Variants in GABRB1 observed in about 807,000 individuals in gnomAD.
The protein encoded by GABRB1 is gamma-aminobutyric acid type A receptor subunit beta1.
GABRB1 carries 17 observed loss-of-function variants against 51.6 expected under a neutral mutation model. The observed-to-expected ratio is 0.33, with a 90% CI of 0.23 to 0.49. The LOEUF (loss-of-function observed/expected upper bound fraction) is 0.49, where lower values mean the gene tolerates loss of function less well. Among genes scored for constraint, GABRB1 ranks in the 20% least tolerant of loss-of-function variants. GABRB1 has a pLI of 0.99. For missense variants in GABRB1, 410 were observed against 600.6 expected (o/e 0.68, Z 3.32); for synonymous variants, 247 against 218.9 (o/e 1.13, Z -1.14).
chr4:47,299,732 A>G (rs1304255900), intron 4 of GABRB1, among the ~76,000 whole-genome samples: 2 of 152,182 alleles, frequency 1.3e-5, no homozygotes, highest in Non-Finnish European at 2.9e-5. Flanking sequence ...CAGCCATCCC[A>G]TTACTGGGTA....
At chr4:47,396,522 T>G (rs1243161852) in intron 5 of GABRB1, among the ~76,000 whole-genome samples, 1 of 152,166 alleles carries the variant, frequency 6.6e-6, no homozygotes, top group Non-Finnish European at 1.5e-5. Context: ...TTCACACAAA[T>G]TTCTAGAAGG....
intron 3 of GABRB1, among the ~76,000 whole-genome samples, chr4:47,147,055 C>A (rs1178847088): frequency 6.6e-5 from 10 of 151,858 alleles, no homozygotes; most frequent in Non-Finnish European, 1.3e-4. Context: ...GTGGATAAGG[C>A]ACATTTAAAA....
chr4:47,186,349 A>G (rs1719183243), intron 4 of GABRB1, among the ~76,000 whole-genome samples: 1 of 151,860 alleles, frequency 6.6e-6, no homozygotes, highest in Non-Finnish European at 1.5e-5. Context: ...GTATCAGAAC[A>G]TGGACCTAAA....
rs59187371 is a variant in GABRB1 at position 47,246,299 on chromosome 4, TACACAC to T, written c.462-73802_462-73797del. On this transcript the variant is annotated intron_variant, in intron 4 of 8. Coordinates refer to ENST00000295454, the MANE Select transcript of GABRB1 (RefSeq NM_000812.4). ...CATCATATATATATATATATATATA[TACACAC>T]ACACACACACACACACACACACACA... 9.7e-4 allele frequency among the ~76,000 whole-genome samples: 82 copies of T among 84,132 alleles called. 2 individuals are homozygous for T. Among genetic ancestry groups the T allele is most frequent in the African/African-American group, 2.6e-3 (56 of 21,296 alleles). 55.2% of individuals were successfully genotyped at this position (84,132 alleles called of 152,430 possible).
intron 3 of GABRB1, among the ~76,000 whole-genome samples, chr4:47,077,958 T>TA (rs1560523676): frequency 3.1e-5 from 3 of 97,442 alleles, no homozygotes; most frequent in Admixed American, 1.1e-4. Context: ...ATTATATATT[T>TA]TATATATATA....
chr4:46,995,889 T>C (rs1379434436), intron 1 of GABRB1, among the ~76,000 whole-genome samples: 4 of 152,192 alleles, frequency 2.6e-5, no homozygotes, highest in Non-Finnish European at 1.5e-5. Flanking sequence ...CTTCCAGTTA[T>C]ATTTTTGTTA....
At chr4:47,035,418 G>A in intron 3 of GABRB1, among the ~76,000 whole-genome samples, 1 of 152,048 alleles carries the variant, frequency 6.6e-6, no homozygotes, top group East Asian at 2.0e-4. Context: ...TAATGCCGAT[G>A]TAGATAAACA....
chr4:47,270,963 T>C (rs1285845624), intron 4 of GABRB1, among the ~76,000 whole-genome samples: 1 of 152,202 alleles, frequency 6.6e-6, no homozygotes, highest in Non-Finnish European at 1.5e-5. Context: ...TAAAATGTAC[T>C]AGTTTTACCA....
intron 3 of GABRB1, among the ~76,000 whole-genome samples, chr4:47,145,570 C>T (rs994909931): frequency 2.6e-5 from 4 of 151,968 alleles, no homozygotes; most frequent in Non-Finnish European, 5.9e-5. Flanking sequence ...TCTGTGAGTA[C>T]AGGAATTTAT....
At chr4:47,316,384 C>T (rs1207998351) in intron 4 of GABRB1, among the ~76,000 whole-genome samples, 2 of 151,916 alleles carry the variant, frequency 1.3e-5, no homozygotes, top group Non-Finnish European at 2.9e-5. Context: ...GCCTCCAGTT[C>T]CATCCATGTT....
chr4:47,077,010 A>G (rs1727585833), intron 3 of GABRB1, among the ~76,000 whole-genome samples: 1 of 152,224 alleles, frequency 6.6e-6, no homozygotes, highest in South Asian at 2.1e-4. Context: ...ATCAGTGGCA[A>G]TACCATCTGC....
intron 3 of GABRB1, among the ~76,000 whole-genome samples, chr4:47,040,670 A>AT (rs1189789634): frequency 6.6e-6 from 1 of 152,182 alleles, no homozygotes; most frequent in African/African-American, 2.4e-5. Context: ...AATATTGAAT[A>AT]TTGACATCAA....
In GABRB1 at chr4:47,134,715, G is replaced by A. The variant is rs575480475; in HGVS notation, c.241-26534G>A. ...GTAGAGATAAAGATGAAATAATTCCGTTTTCTAAATGTATAGTACAGTAGG... is the reference window on the plus strand; with the variant it reads ...GTAGAGATAAAGATGAAATAATTCCATTTTCTAAATGTATAGTACAGTAGG... On this transcript the variant is annotated intron_variant, in intron 3 of 8. Coordinates refer to ENST00000295454, the MANE Select transcript of GABRB1 (RefSeq NM_000812.4). Among the ~76,000 whole-genome samples the A allele has an allele frequency of 7.9e-5, 12 of 152,224 alleles. 1 individual carries two copies. In the South Asian group the frequency reaches 1.0e-3, roughly 13 times the overall value.
At chr4:47,019,573 CT>C (rs1442594613) in intron 1 of GABRB1, among the ~76,000 whole-genome samples, 15 of 151,206 alleles carry the variant, frequency 9.9e-5, no homozygotes, top group Admixed American at 2.6e-4. Flanking sequence ...CTCTCTCTCT[CT>C]CTCCCTCCTT....
chr4:47,083,872 C>T (rs969925497), intron 3 of GABRB1, among the ~76,000 whole-genome samples: 4 of 152,132 alleles, frequency 2.6e-5, no homozygotes, highest in Non-Finnish European at 5.9e-5. Flanking sequence ...ACCCCTATGT[C>T]TAAGGGGTCA....
At chr4:47,380,026 A>T (rs1057376387) in intron 5 of GABRB1, among the ~76,000 whole-genome samples, 1 of 152,194 alleles carries the variant, frequency 6.6e-6, no homozygotes, top group East Asian at 1.9e-4. Context: ...ATCAATGGCA[A>T]CTATAATTAT....
At chr4:47,105,801 A>G (rs1009798359) in intron 3 of GABRB1, among the ~76,000 whole-genome samples, 1 of 152,084 alleles carries the variant, frequency 6.6e-6, no homozygotes, top group Non-Finnish European at 1.5e-5. Flanking sequence ...AATATTCCTC[A>G]TAAGAACTGT....
intron 8 of GABRB1, among the ~76,000 whole-genome samples, chr4:47,411,410 C>G (rs1728757084): frequency 3.3e-5 from 5 of 152,092 alleles, no homozygotes; most frequent in Admixed American, 2.6e-4. Context: ...GGTTATAATA[C>G]TGTATTATTC....
At chr4:47,028,792 T>C (rs534482797), upstream of GABRB1, among the ~76,000 whole-genome samples, 1 of 148,636 alleles carries the variant, frequency 6.7e-6, no homozygotes, top group East Asian at 2.0e-4. Flanking sequence ...TATATGTATA[T>C]GTGTATATAT....
Sources: allele counts gnomAD v4.1 joint callset (sites outside exome capture counted in the v4.1 genomes callset), GRCh38; gene constraint gnomAD v4.1.1; transcripts MANE v1.5; gene names NCBI Gene and HGNC (gene_info 2026-07-23, HGNC 2026-07-21).